COBLL1: variants seen among roughly 807,000 people sequenced by gnomAD.
COBLL1 encodes cordon-bleu protein-like 1.
Under a neutral mutation model 94.8 loss-of-function variants are expected in COBLL1, and 50 were observed. The ratio of observed to expected loss-of-function variants is 0.53; its 90% CI spans 0.42 to 0.67. The LOEUF (loss-of-function observed/expected upper bound fraction) is 0.67. Among genes scored for constraint, COBLL1 ranks in the 30% least tolerant of loss-of-function variants. COBLL1 has a pLI of 0.00. For missense variants in COBLL1, 1,362 were observed against 1,348.7 expected (o/e 1.01, Z -0.15); for synonymous variants, 448 against 473.8 (o/e 0.95, Z 0.71).
rs577797963 is a variant in COBLL1 at position 164,797,730 on chromosome 2, C to A, written c.41+43426G>T. The stretch of plus-strand genomic sequence containing the variant: ...CAGTACATATTTCTTCCAAGAAAAG[C>A]AAAAGGGAATATAGAGCACTTTTCT... On this transcript the variant is annotated intron_variant, in intron 2 of 13. Transcript: ENST00000652658. 1.2e-3 allele frequency among the ~76,000 whole-genome samples: 187 copies of A among 152,178 alleles called. 1 individual carries two copies. Among genetic ancestry groups the A allele is most frequent in the Non-Finnish European group, 2.1e-3 (141 of 67,986 alleles).
chr2:164,670,535 A>T (rs1409966341), intron 1 of COBLL1, among the ~76,000 whole-genome samples: 1 of 152,236 alleles, frequency 6.6e-6, no homozygotes, highest in Non-Finnish European at 1.5e-5. Context: ...TATCCTTTGC[A>T]CAAAGAAGTT....
At chr2:164,709,805 T>C (rs1458141985) in intron 7 of COBLL1, among the ~76,000 whole-genome samples, 2 of 152,218 alleles carry the variant, frequency 1.3e-5, no homozygotes, top group African/African-American at 2.4e-5. Flanking sequence ...TACAATTATG[T>C]GGTCTGTCAT....
At chr2:164,822,129 T>C (rs1213094198) in intron 2 of COBLL1, among the ~76,000 whole-genome samples, 1 of 152,020 alleles carries the variant, frequency 6.6e-6, no homozygotes, top group East Asian at 1.9e-4. Context: ...AAACACAGAG[T>C]CAAAGACATT....
intron 2 of COBLL1, among the ~76,000 whole-genome samples, chr2:164,830,548 A>G (rs1683029516): frequency 6.6e-6 from 1 of 152,196 alleles, no homozygotes; most frequent in Admixed American, 6.5e-5. Context: ...ATTCTCCTAA[A>G]TTTAAGATTA....
chr2:164,775,972 A>G (rs898105844), intron 2 of COBLL1, among the ~76,000 whole-genome samples: 1 of 151,994 alleles, frequency 6.6e-6, no homozygotes, highest in Non-Finnish European at 1.5e-5. Flanking sequence ...TAACAGCCCC[A>G]ATACAGTCCC....
At chr2:164,766,005 A>C (rs1023114561) in intron 2 of COBLL1, among the ~76,000 whole-genome samples, 1 of 152,008 alleles carries the variant, frequency 6.6e-6, no homozygotes, top group African/African-American at 2.4e-5. Flanking sequence ...CTGTCTCTCT[A>C]TATTTGCTTT....
intron 2 of COBLL1, among the ~76,000 whole-genome samples, chr2:164,811,816 A>C (rs937773604): frequency 3.3e-5 from 5 of 151,996 alleles, no homozygotes; most frequent in African/African-American, 1.2e-4. Context: ...AAAAAGAAAA[A>C]AAAGTTTTTA....
chr2:164,832,673 T>C lies in COBLL1; in HGVS notation c.41+8483A>G, dbSNP rs73968278. 2.8e-3 allele frequency among the ~76,000 whole-genome samples: 425 copies of C among 152,350 alleles called. 4 individuals are homozygous for C. Among genetic ancestry groups the C allele is most frequent in the African/African-American group, 9.7e-3 (404 of 41,594 alleles). On this transcript the variant is annotated intron_variant, in intron 2 of 13. Coordinates refer to ENST00000652658, the MANE Select transcript of COBLL1 (RefSeq NM_001365672.2). Reference sequence around the variant, plus strand: ...TGAAGTCATTACAAAAGAAAACCTCTGTCCTATTAAACCATACTTTTAAAA... The same window carrying C: ...TGAAGTCATTACAAAAGAAAACCTCCGTCCTATTAAACCATACTTTTAAAA...
chr2:164,694,378 T>G lies in COBLL1; in HGVS notation c.3014A>C (p.Glu1005Ala), dbSNP rs112597395. The change falls in exon 12 of 14, where the codon GAG (glutamate) becomes GCG (alanine). Residue 1005 changes from glutamate (E) to alanine (A), a missense_variant. Transcript: ENST00000652658. ...GACCAATGCACTGGCACTAGGTGAC[T>G]CGGTGCGCTCTTTACTGAAAGACTG... ...RSQSFSKERT[E>A]SPSASALVQP... The G allele has an allele frequency of 7.6e-5, 123 of 1,614,048 alleles. 1 individual carries two copies. The African/African-American group carries it at 1.4e-3, about 18-fold the overall frequency.
intron 13 of COBLL1, among the ~76,000 whole-genome samples, chr2:164,689,728 T>G (rs1056148593): frequency 3.3e-5 from 5 of 152,150 alleles, no homozygotes; most frequent in Non-Finnish European, 7.4e-5. Context: ...TTAGCCTTAT[T>G]TTGAATATTT....
intron 2 of COBLL1, among the ~76,000 whole-genome samples, chr2:164,814,560 G>A (rs543495107): frequency 2.6e-5 from 4 of 152,054 alleles, no homozygotes; most frequent in African/African-American, 4.8e-5. Flanking sequence ...GTATACTGAC[G>A]GAGAGTAAAA....
intron 2 of COBLL1, among the ~76,000 whole-genome samples, chr2:164,830,154 A>G (rs1425844183): frequency 6.6e-6 from 1 of 152,210 alleles, no homozygotes; most frequent in Non-Finnish European, 1.5e-5. Context: ...CCTGCTTCCT[A>G]AACTGTACTT....
chr2:164,696,009 G>T, intron 11 of COBLL1, 173 bp from the exon 12 acceptor site: 1 of 551,902 alleles, frequency 1.8e-6, no homozygotes, highest in Admixed American at 3.7e-5. Flanking sequence ...TACGTGCTTT[G>T]GATTCATACA....
chr2:164,841,864 C>G (rs1161187189), upstream of COBLL1: 4 of 918,678 alleles, frequency 4.4e-6, no homozygotes, highest in Non-Finnish European at 4.9e-6. This position sits in a 1 kb window ranked among gnomAD's most constrained non-coding sequence, Gnocchi z 5.5. Context: ...CCAGCGCGGG[C>G]AGGGCCGACT....
intron 2 of COBLL1, among the ~76,000 whole-genome samples, chr2:164,791,548 A>G (rs898692590): frequency 7.9e-5 from 12 of 152,192 alleles, no homozygotes; most frequent in Non-Finnish European, 1.5e-4. Flanking sequence ...TTGTTTTAAT[A>G]TGGTGGGTAA....
chr2:164,712,567 T>A (rs1241788503), intron 7 of COBLL1, among the ~76,000 whole-genome samples: 1 of 152,054 alleles, frequency 6.6e-6, no homozygotes, highest in East Asian at 1.9e-4. Context: ...ATAACTGAAC[T>A]TTTCATATAT....
intron 2 of COBLL1, among the ~76,000 whole-genome samples, chr2:164,774,122 T>A (rs2105257876): frequency 6.6e-6 from 1 of 152,310 alleles, no homozygotes; most frequent in African/African-American, 2.4e-5. Context: ...CACATCTGTA[T>A]AATATTTTTT....
intron 1 of COBLL1, among the ~76,000 whole-genome samples, chr2:164,666,845 G>C (rs372021048): frequency 1.3e-4 from 20 of 152,100 alleles, no homozygotes; most frequent in African/African-American, 4.3e-4. Flanking sequence ...TACCACATCT[G>C]CTGTGATTTC....
In COBLL1 at chr2:164,768,096, G is replaced by A. The variant is rs540159941; in HGVS notation, c.42-24221C>T. ...CTAGATGCAGGATTGCTGGAGAACTGTGATCCATACACTGACAAACCTTTA... is the reference window on the plus strand; with the variant it reads ...CTAGATGCAGGATTGCTGGAGAACTATGATCCATACACTGACAAACCTTTA... On this transcript the variant is annotated intron_variant, in intron 2 of 13. Transcript: ENST00000652658. Among the ~76,000 whole-genome samples, 3 of 152,250 alleles carry A rather than the reference G, an allele frequency of 2.0e-5. No homozygotes were observed. The East Asian group carries it at 5.8e-4, about 29-fold the overall frequency.
Sources: allele counts gnomAD v4.1 joint callset (sites outside exome capture counted in the v4.1 genomes callset), GRCh38; gene constraint gnomAD v4.1.1; non-coding constraint Gnocchi (gnomAD v3.1); transcripts MANE v1.5; gene names NCBI Gene and HGNC (gene_info 2026-07-23, HGNC 2026-07-21).